The following SLC35F1 variants were observed in gnomAD, a reference collection of about 807,000 sequenced individuals.
SLC35F1 encodes chromosome 6 open reading frame 169.
Under a neutral mutation model 48.7 loss-of-function variants are expected in SLC35F1, and 14 were observed. That is an observed-to-expected ratio of 0.29 (90% CI 0.19 to 0.45). SLC35F1 has a LOEUF of 0.45. Among genes scored for constraint, SLC35F1 ranks in the 20% least tolerant of loss-of-function variants. SLC35F1 has a pLI of 1.00. For synonymous variants in SLC35F1, 190 were observed against 202.2 expected (o/e 0.94, Z 0.51); for missense variants, 404 against 500.0 (o/e 0.81, Z 1.83).
chr6:118,173,846 CTGAATTG>C (rs543673869), intron 2 of SLC35F1, among the ~76,000 whole-genome samples: 5 of 152,148 alleles, frequency 3.3e-5, no homozygotes, highest in Non-Finnish European at 7.4e-5. Flanking sequence ...CAAATAACAG[CTGAATTG>C]TAAAGCAAAG....
At chr6:118,152,040 G>A (rs553787273) in intron 1 of SLC35F1, among the ~76,000 whole-genome samples, 3 of 152,276 alleles carry the variant, frequency 2.0e-5, no homozygotes, top group East Asian at 1.9e-4. Context: ...CAGCTGAGGC[G>A]AGAGGTATAA....
At chr6:118,266,319 A>C (rs1251856544) in intron 3 of SLC35F1, among the ~76,000 whole-genome samples, 3 of 152,196 alleles carry the variant, frequency 2.0e-5, no homozygotes, top group African/African-American at 7.2e-5. Context: ...AAAATATATA[A>C]AAAATGAAAT....
chr6:118,008,560 C>T (rs987089411), intron 1 of SLC35F1, among the ~76,000 whole-genome samples: 1 of 152,158 alleles, frequency 6.6e-6, no homozygotes, highest in Non-Finnish European at 1.5e-5. Context: ...TTGGGCTAGA[C>T]GGTCCATGGG....
At chr6:117,951,871 T>C (rs1022574973) in intron 1 of SLC35F1, among the ~76,000 whole-genome samples, 5 of 152,202 alleles carry the variant, frequency 3.3e-5, no homozygotes, top group African/African-American at 9.6e-5. Flanking sequence ...TCAGTCCTGA[T>C]TGCCAATGGA....
intron 1 of SLC35F1, among the ~76,000 whole-genome samples, chr6:118,008,408 C>A (rs1777203353): frequency 6.6e-6 from 1 of 152,126 alleles, no homozygotes; most frequent in African/African-American, 2.4e-5. Context: ...ATCTGCCTAC[C>A]ATGCCCATGC....
intron 1 of SLC35F1, among the ~76,000 whole-genome samples, chr6:118,017,306 G>T (rs936527112): frequency 1.3e-5 from 2 of 152,032 alleles, no homozygotes; most frequent in Admixed American, 1.3e-4. Context: ...ATACTGGACT[G>T]GGTGCTTCTG....
intron 2 of SLC35F1, among the ~76,000 whole-genome samples, chr6:118,193,481 T>C (rs1327371674): frequency 6.6e-6 from 1 of 152,190 alleles, no homozygotes; most frequent in Non-Finnish European, 1.5e-5. Flanking sequence ...CTTTTAGCTT[T>C]ATCCTATCTA....
At chr6:118,142,700 A>T (rs1244138039) in intron 1 of SLC35F1, among the ~76,000 whole-genome samples, 1 of 152,202 alleles carries the variant, frequency 6.6e-6, no homozygotes, top group Non-Finnish European at 1.5e-5. Context: ...AATAAATTTT[A>T]TCTAGCCCAT....
chr6:118,245,932 T>C (rs572918399), intron 3 of SLC35F1, among the ~76,000 whole-genome samples: 1 of 152,308 alleles, frequency 6.6e-6, no homozygotes, highest in African/African-American at 2.4e-5. Context: ...TATGACTTAA[T>C]ACTTGTTTCT....
intron 1 of SLC35F1, among the ~76,000 whole-genome samples, chr6:118,078,582 C>T (rs1772856726): frequency 6.6e-6 from 1 of 152,148 alleles, no homozygotes; most frequent in South Asian, 2.1e-4. Context: ...TTCCTTGACT[C>T]TTTAGTCTCG....
chr6:118,172,171 A>AAAG (rs1196812228), intron 2 of SLC35F1, among the ~76,000 whole-genome samples: 4 of 152,110 alleles, frequency 2.6e-5, no homozygotes, highest in Admixed American at 6.6e-5. Flanking sequence ...CAAAAAAAAA[A>AAAG]AAGACGATTC....
In SLC35F1 at chr6:118,219,687, A is replaced by G. The variant is rs148898799; in HGVS notation, c.350-15822A>G. 2.3e-3 allele frequency among the ~76,000 whole-genome samples: 348 copies of G among 152,360 alleles called. 1 individual carries two copies. Among genetic ancestry groups the G allele is most frequent in the African/African-American group, 8.0e-3 (332 of 41,586 alleles). On this transcript the variant is annotated intron_variant, in intron 2 of 7. Transcript: ENST00000360388. ...CTACTGGGTATATACCCAAAGGATT[A>G]TAAATCATGCTGCTATAAAGACACA...
At position 118,135,128 on chromosome 6, in the gene SLC35F1, A is replaced by AT. The variant is rs551272816; in HGVS notation, c.174-19313dup. 2.4e-3 allele frequency among the ~76,000 whole-genome samples: 360 copies of AT among 152,288 alleles called. 2 individuals carry two copies. Among genetic ancestry groups the AT allele is most frequent in the Non-Finnish European group, 3.5e-3 (238 of 68,020 alleles). The stretch of plus-strand genomic sequence containing the variant: ...TCTGAAATAAGGCATCCTGCTAGGC[A>AT]TTTTGTAAAGAATACTGCCTTACAT... On this transcript the variant is annotated intron_variant, in intron 1 of 7. Transcript: ENST00000360388.
intron 2 of SLC35F1, among the ~76,000 whole-genome samples, chr6:118,167,132 A>T (rs994682224): frequency 1.2e-4 from 19 of 152,028 alleles, no homozygotes; most frequent in African/African-American, 4.6e-4. Flanking sequence ...GATGCGAAGG[A>T]TCCCTAATTG....
At chr6:118,082,991 C>T (rs1040028965) in intron 1 of SLC35F1, among the ~76,000 whole-genome samples, 1 of 152,078 alleles carries the variant, frequency 6.6e-6, no homozygotes, top group African/African-American at 2.4e-5. Context: ...AGAAGAGTGG[C>T]TCCTCAAAGG....
chr6:117,926,818 A>G (rs1031899666), intron 1 of SLC35F1, among the ~76,000 whole-genome samples: 1 of 152,160 alleles, frequency 6.6e-6, no homozygotes, highest in African/African-American at 2.4e-5. Context: ...TGATGTGTTC[A>G]TAAGATCTGG....
chr6:118,272,018 C>T (rs1174727267), intron 4 of SLC35F1, among the ~76,000 whole-genome samples: 1 of 152,154 alleles, frequency 6.6e-6, no homozygotes, highest in Non-Finnish European at 1.5e-5. Flanking sequence ...TGTGATCAGA[C>T]CCAACTCTAC....
In SLC35F1 at chr6:117,943,114, G is replaced by A. The variant is rs573798206; in HGVS notation, c.173+35215G>A. 5.1e-4 allele frequency among the ~76,000 whole-genome samples: 77 copies of A among 152,210 alleles called. No homozygotes were observed. In the South Asian group the frequency reaches 0.014, roughly 28 times the overall value. On this transcript the variant is annotated intron_variant, in intron 1 of 7. Transcript: ENST00000360388. ...GATCCATTTTGGATTGGGTCTTGCC[G>A]ATCCTGTTAATGGATTTCTAAAATA...
rs547149641 is a variant in SLC35F1 at position 118,314,466 on chromosome 6, C to T, written c.*214C>T. ...CTGACTTGGAAGGATGCCTAGCTAA[C>T]GTGTATCCTGATCACAACTCCCCTG... On this transcript the variant is annotated 3_prime_UTR_variant, in exon 8 of 8. Coordinates refer to ENST00000360388, the MANE Select transcript of SLC35F1 (RefSeq NM_001029858.4). 44 of 575,642 alleles carry T rather than the reference C, an allele frequency of 7.6e-5. No homozygotes were observed. In the East Asian group the frequency reaches 9.1e-4, roughly 12 times the overall value. 35.7% of individuals were successfully genotyped at this position (575,642 alleles called of 1,614,324 possible).
Sources: allele counts gnomAD v4.1 joint callset (sites outside exome capture counted in the v4.1 genomes callset), GRCh38; gene constraint gnomAD v4.1.1; transcripts MANE v1.5; gene names NCBI Gene and HGNC (gene_info 2026-07-23, HGNC 2026-07-21).